Variants in CDH13 observed in about 807,000 individuals in gnomAD.
CDH13 encodes cadherin 13, also known as cadherin-13.
CDH13 carries 24 observed loss-of-function variants against 63.8 expected under a neutral mutation model. That is an observed-to-expected ratio of 0.38 (90% CI 0.27 to 0.53). CDH13 has a LOEUF of 0.53. Ranked by LOEUF, CDH13 falls within the 20% of genes least tolerant of loss-of-function variation. CDH13 has a pLI of 0.85. For synonymous variants in CDH13, 503 were observed against 355.3 expected (o/e 1.42, Z -4.67); for missense variants, 1,049 against 903.1 (o/e 1.16, Z -2.07).
chr16:82,657,656 A>G (rs1911453872), intron 1 of CDH13, among the ~76,000 whole-genome samples: 1 of 152,206 alleles, frequency 6.6e-6, no homozygotes, highest in African/African-American at 2.4e-5. Flanking sequence ...AGTTTGCTAG[A>G]TTTATATGTA....
At chr16:82,725,301 C>T (rs2033032286) in intron 1 of CDH13, among the ~76,000 whole-genome samples, 1 of 152,180 alleles carries the variant, frequency 6.6e-6, no homozygotes, top group Non-Finnish European at 1.5e-5. Context: ...AGCTCTATCA[C>T]CAAACCAGGT....
chr16:83,765,871 T>C (rs1021939642), intron 11 of CDH13, among the ~76,000 whole-genome samples: 5 of 152,066 alleles, frequency 3.3e-5, no homozygotes, highest in African/African-American at 1.2e-4. Context: ...AAGGTGAAGG[T>C]ACATTTAGAG....
In CDH13 at chr16:82,933,650, C is replaced by T. The variant is rs562931709; in HGVS notation, c.157+75177C>T. On this transcript the variant is annotated intron_variant, in intron 2 of 13. Coordinates refer to ENST00000567109, the MANE Select transcript of CDH13 (RefSeq NM_001257.5). ...TGATTTGAGACAAGGCAAGTCCCTT[C>T]CACCTATGAGCCTGTAAAATCAAAA... is the stretch of plus-strand genomic sequence containing the variant. 6.6e-5 allele frequency among the ~76,000 whole-genome samples: 10 copies of T among 152,276 alleles called. No homozygotes were observed. In the South Asian group the frequency reaches 2.1e-3, roughly 32 times the overall value.
chr16:83,499,329 G>A (rs187474763), intron 7 of CDH13, among the ~76,000 whole-genome samples: 130 of 152,334 alleles, frequency 8.5e-4, no homozygotes, highest in African/African-American at 3.1e-3. Flanking sequence ...GGTACAAAAG[G>A]ATTTGTGTGA....
At chr16:83,046,516 A>G (rs1398050839) in intron 3 of CDH13, among the ~76,000 whole-genome samples, 1 of 152,242 alleles carries the variant, frequency 6.6e-6, no homozygotes, top group East Asian at 1.9e-4. Flanking sequence ...ATACATCAAT[A>G]CATTAAAACA....
At chr16:82,990,163 A>C (rs1911483029) in intron 2 of CDH13, 5 of 152,128 alleles carry the variant, frequency 3.3e-5, no homozygotes, top group South Asian at 2.1e-4. Flanking sequence ...TTGCGTCTAG[A>C]AGTCAGAGAG....
At chr16:83,504,580 C>G (rs1336854375) in intron 7 of CDH13, among the ~76,000 whole-genome samples, 2 of 152,138 alleles carry the variant, frequency 1.3e-5, no homozygotes, top group Admixed American at 6.5e-5. Context: ...TTTTGGGATT[C>G]TAGCAAGATG....
At chr16:83,659,112 T>A (rs1468881717) in intron 8 of CDH13, among the ~76,000 whole-genome samples, 1 of 143,256 alleles carries the variant, frequency 7.0e-6, no homozygotes, top group Non-Finnish European at 1.5e-5. Flanking sequence ...AGGTCCCATA[T>A]CCTCACCACC....
At chr16:82,822,052 C>T (rs1022642252) in intron 1 of CDH13, among the ~76,000 whole-genome samples, 3 of 152,180 alleles carry the variant, frequency 2.0e-5, no homozygotes, top group Non-Finnish European at 2.9e-5. Context: ...ACAGGATAGA[C>T]CCTGCTCCAA....
chr16:82,763,135 C>T (rs1294582176), intron 1 of CDH13, among the ~76,000 whole-genome samples: 1 of 152,160 alleles, frequency 6.6e-6, no homozygotes, highest in East Asian at 1.9e-4. Context: ...TTTGTATGTG[C>T]TGCTCTTGCT....
intron 3 of CDH13, among the ~76,000 whole-genome samples, chr16:83,088,176 G>A (rs551840563): frequency 6.1e-4 from 93 of 152,270 alleles, no homozygotes; most frequent in African/African-American, 2.0e-3. Flanking sequence ...AAAAGCCTTC[G>A]AAATTCCTGC....
intron 10 of CDH13, among the ~76,000 whole-genome samples, chr16:83,700,564 G>T (rs1227394455): frequency 1.3e-5 from 2 of 152,200 alleles, no homozygotes; most frequent in African/African-American, 4.8e-5. Flanking sequence ...ATGGGCAGGT[G>T]AACTGCTAAA....
At chr16:83,649,719 C>G (rs986583009) in intron 8 of CDH13, among the ~76,000 whole-genome samples, 3 of 152,072 alleles carry the variant, frequency 2.0e-5, no homozygotes, top group African/African-American at 7.2e-5. Context: ...GTTGGGGATG[C>G]TGAACACGGA....
At chr16:83,388,207 A>G (rs577939094) in intron 6 of CDH13, among the ~76,000 whole-genome samples, 12 of 151,396 alleles carry the variant, frequency 7.9e-5, no homozygotes, top group African/African-American at 2.9e-4. Flanking sequence ...TGATCTCAGC[A>G]CTTTGGGAGG....
At chr16:83,186,018 A>C (rs1308370576) in intron 4 of CDH13, among the ~76,000 whole-genome samples, 1 of 152,106 alleles carries the variant, frequency 6.6e-6, no homozygotes, top group Non-Finnish European at 1.5e-5. Flanking sequence ...CCTGATAAAC[A>C]GCATTTAGTC....
At chr16:83,548,851 A>T (rs1567755577) in intron 7 of CDH13, among the ~76,000 whole-genome samples, 1 of 152,042 alleles carries the variant, frequency 6.6e-6, no homozygotes, top group African/African-American at 2.4e-5. Context: ...TGATCCTTGC[A>T]TTAGAATGGT....
At chr16:83,686,400 C>G (rs543709857) in intron 10 of CDH13, among the ~76,000 whole-genome samples, 2 of 152,212 alleles carry the variant, frequency 1.3e-5, no homozygotes, top group Non-Finnish European at 2.9e-5. Context: ...GACCTTCAGA[C>G]TTTCCACGGG....
chr16:83,092,899 A>C (rs551861083), intron 3 of CDH13, among the ~76,000 whole-genome samples: 24 of 152,210 alleles, frequency 1.6e-4, no homozygotes, highest in Non-Finnish European at 3.1e-4. Context: ...GCACTGTTTC[A>C]TTTATAAAAA....
chr16:82,762,473 G>A (rs147171165), intron 1 of CDH13, among the ~76,000 whole-genome samples: 2 of 152,272 alleles, frequency 1.3e-5, no homozygotes, highest in Non-Finnish European at 2.9e-5. Context: ...GTATGTGAGA[G>A]GATGTTATTT....
Sources: allele counts gnomAD v4.1 joint callset (sites outside exome capture counted in the v4.1 genomes callset), GRCh38; gene constraint gnomAD v4.1.1; transcripts MANE v1.5; gene names NCBI Gene and HGNC (gene_info 2026-07-23, HGNC 2026-07-21).